The following LRP8 variants were observed in gnomAD, a reference collection of about 807,000 sequenced individuals.
LRP8 encodes low-density lipoprotein receptor-related protein 8.
Under a neutral mutation model 111.6 loss-of-function variants are expected in LRP8, and 46 were observed. The observed-to-expected ratio is 0.41, with a 90% CI of 0.33 to 0.53. The LOEUF (loss-of-function observed/expected upper bound fraction) is 0.53. LRP8 is among the 20% of genes least tolerant of loss of function. The pLI is 0.20. For synonymous variants in LRP8, 464 were observed against 511.2 expected (o/e 0.91, Z 1.24); for missense variants, 959 against 1,297.4 (o/e 0.74, Z 4.01).
chr1:53,269,595 G>A (rs11206130), intron 8 of LRP8, among the ~76,000 whole-genome samples: 267 of 152,112 alleles, frequency 1.8e-3, no homozygotes, highest in African/African-American at 6.2e-3. Flanking sequence ...GATTACAAGC[G>A]TGAGCCACCA....
chr1:53,307,138 A>G (rs1482619647), intron 2 of LRP8, among the ~76,000 whole-genome samples: 1 of 152,214 alleles, frequency 6.6e-6, no homozygotes, highest in Admixed American at 6.5e-5. Flanking sequence ...AAAATCTAAC[A>G]GCATAAAGAT....
chr1:53,310,579 G>A (rs75898102), intron 2 of LRP8, among the ~76,000 whole-genome samples: 132 of 152,294 alleles, frequency 8.7e-4, no homozygotes, highest in African/African-American at 3.1e-3. Flanking sequence ...GAGCCTGTGA[G>A]GAGCTGGGCT....
intron 3 of LRP8, among the ~76,000 whole-genome samples, chr1:53,288,725 C>T (rs1193563649): frequency 6.6e-6 from 1 of 152,168 alleles, no homozygotes; most frequent in Non-Finnish European, 1.5e-5. Context: ...CCACTATCCT[C>T]CACATGCTTT....
chr1:53,250,610 G>T lies in LRP8; in HGVS notation c.2676+80C>A. On this transcript the variant is annotated intron_variant, in intron 17 of 18. Coordinates refer to ENST00000306052, the MANE Select transcript of LRP8 (RefSeq NM_004631.5). The surrounding 1 kb of genome is among the most constrained non-coding windows in gnomAD (Gnocchi z 4.6). The stretch of plus-strand genomic sequence containing the variant: ...AAGGGAGGGAAGAAAGGATGGGAAG[G>T]AAGAAAGGATGGGAGGGGAAGAAAG... 7.8e-7 allele frequency: 1 copy of T among 1,279,866 alleles called. No homozygotes were observed. The highest frequency in any genetic ancestry group is 1.1e-6 in the Non-Finnish European group (1 of 900,534). The allele number at this position is 1,279,866 out of a possible 1,614,324, so 79.3% of individuals were successfully genotyped here.
At chr1:53,324,713 A>G (rs1187151940) in intron 2 of LRP8, among the ~76,000 whole-genome samples, 1 of 152,162 alleles carries the variant, frequency 6.6e-6, no homozygotes, top group Non-Finnish European at 1.5e-5. Context: ...AGCGTCACTC[A>G]GCACCCAGCT....
chr1:53,270,665 C>T (rs1337976263), intron 8 of LRP8, among the ~76,000 whole-genome samples: 1 of 152,214 alleles, frequency 6.6e-6, no homozygotes, highest in Non-Finnish European at 1.5e-5. Flanking sequence ...ATGCAGAACT[C>T]TTAGGGCTGC....
intron 1 of LRP8, 49 bp from the exon 2 acceptor site, chr1:53,327,041 C>T (rs765550702): frequency 1.9e-6 from 3 of 1,600,516 alleles, no homozygotes; most frequent in South Asian, 1.1e-5. Context: ...CGGCCCCACT[C>T]CCCACCATGC....
At chr1:53,309,753 C>T (rs1652654731) in intron 2 of LRP8, among the ~76,000 whole-genome samples, 1 of 152,178 alleles carries the variant, frequency 6.6e-6, no homozygotes, top group Non-Finnish European at 1.5e-5. Flanking sequence ...GAAAGCTGTG[C>T]CCCTGCTCTC....
intron 8 of LRP8, among the ~76,000 whole-genome samples, chr1:53,269,322 TA>T (rs1646684895): frequency 6.6e-6 from 1 of 151,602 alleles, no homozygotes; most frequent in Non-Finnish European, 1.5e-5. Context: ...TTATTATTAT[TA>T]TTTTTTTTTT....
In LRP8 at chr1:53,327,820, C is replaced by A; in HGVS notation, c.93G>T (p.Ala31=). The change falls in exon 1 of 19, where the codon GCG becomes GCT. Residue 31 remains alanine (A), a synonymous_variant. Coordinates refer to ENST00000306052, the MANE Select transcript of LRP8 (RefSeq NM_004631.5). ...LLLLQLQHLA[A]AAADPLLGGQ... ...CGCCGAGCAGCGGATCAGCCGCTGC[C>A]GCCGCAAGATGCTGGAGCTGCAGCA... is the stretch of plus-strand genomic sequence containing the variant. 1 of 1,511,302 alleles carries A rather than the reference C, an allele frequency of 6.6e-7. No individual in the cohort carries two copies. The highest frequency in any genetic ancestry group is 8.8e-7 in the Non-Finnish European group (1 of 1,135,906). The allele number at this position is 1,511,302 out of a possible 1,614,324, so 93.6% of individuals were successfully genotyped here.
chr1:53,260,190 C>T (rs1321278913), intron 13 of LRP8, among the ~76,000 whole-genome samples: 2 of 152,204 alleles, frequency 1.3e-5, no homozygotes, highest in African/African-American at 4.8e-5. Context: ...TCCGTTTCCT[C>T]AACTGTTAGA....
intron 14 of LRP8, 48 bp downstream of exon 14, chr1:53,258,271 T>C: frequency 6.3e-7 from 1 of 1,576,828 alleles, no homozygotes; most frequent in Non-Finnish European, 8.6e-7. Context: ...TTCAGCAGGG[T>C]AGGGTCTGAC....
In LRP8 at chr1:53,317,755, T is replaced by C. The variant is rs1047497279; in HGVS notation, c.244+9118A>G. Among the ~76,000 whole-genome samples, 8 of 152,180 alleles carry C rather than the reference T, an allele frequency of 5.3e-5. No homozygotes were observed. The highest frequency in any genetic ancestry group is 1.7e-4 in the African/African-American group (7 of 41,444). On this transcript the variant is annotated intron_variant, in intron 2 of 18. Coordinates refer to ENST00000306052, the MANE Select transcript of LRP8 (RefSeq NM_004631.5). This position sits in a 1 kb window ranked among gnomAD's most constrained non-coding sequence, Gnocchi z 4.9. ...ATTTTCCCGCTTTCGGAAAGTCTCATGAAGCTGGTGGGCCTCACTCCATTT... is the reference window on the plus strand; with the variant it reads ...ATTTTCCCGCTTTCGGAAAGTCTCACGAAGCTGGTGGGCCTCACTCCATTT...
At chr1:53,318,262 G>A (rs1192858785) in intron 2 of LRP8, among the ~76,000 whole-genome samples, 1 of 151,706 alleles carries the variant, frequency 6.6e-6, no homozygotes, top group Admixed American at 6.6e-5. Context: ...TTTGGTGGGG[G>A]TGAAAGCCCT....
intron 4 of LRP8, among the ~76,000 whole-genome samples, chr1:53,277,306 T>C (rs1003192136): frequency 6.6e-6 from 1 of 152,124 alleles, no homozygotes; most frequent in African/African-American, 2.4e-5. Flanking sequence ...CAGGCCTCAC[T>C]GGGTAAATGA....
intron 1 of LRP8, 38 bp downstream of exon 1, chr1:53,327,751 G>A (rs1459610875): frequency 8.9e-6 from 13 of 1,462,272 alleles, no homozygotes; most frequent in Admixed American, 2.2e-5. Flanking sequence ...TGGTGGCTAG[G>A]GCGGAGCAGA....
Position 53,250,878 on chromosome 1 carries a change from A to G in LRP8, c.2504-16T>C. 6.2e-7 allele frequency: 1 copy of G among 1,613,404 alleles called. No homozygotes were observed. Reference sequence around the variant, plus strand: ...GCTATCACCACTGGAGGAAGGACACAGGACACTGGACCTCCAGCAGGCTCC... The same window carrying G: ...GCTATCACCACTGGAGGAAGGACACGGGACACTGGACCTCCAGCAGGCTCC... On this transcript the variant is annotated splice_polypyrimidine_tract_variant and intron_variant, in intron 16 of 18. Coordinates refer to ENST00000306052, the MANE Select transcript of LRP8 (RefSeq NM_004631.5). This position sits in a 1 kb window ranked among gnomAD's most constrained non-coding sequence, Gnocchi z 4.6.
intron 9 of LRP8, among the ~76,000 whole-genome samples, chr1:53,265,535 A>T (rs1204013679): frequency 6.6e-6 from 1 of 152,148 alleles, no homozygotes; most frequent in Non-Finnish European, 1.5e-5. Flanking sequence ...GAAGGAGTAA[A>T]TTTCTTCCAT....
In LRP8 at chr1:53,289,775, A is replaced by C. The variant is rs963709989; in HGVS notation, c.245-86T>G. 6 of 1,562,828 alleles carry C rather than the reference A, an allele frequency of 3.8e-6. No individual in the cohort carries two copies. The Admixed American group carries it at 8.7e-5, about 23-fold the overall frequency. On this transcript the variant is annotated intron_variant, in intron 2 of 18. Transcript: ENST00000306052. ...CCAGGATGTGCTTGGTCTGCAAACC[A>C]GGCCATGGACTGCCTTGCTGACCAA...
Sources: allele counts gnomAD v4.1 joint callset (sites outside exome capture counted in the v4.1 genomes callset), GRCh38; gene constraint gnomAD v4.1.1; non-coding constraint Gnocchi (gnomAD v3.1); transcripts MANE v1.5; gene names NCBI Gene and HGNC (gene_info 2026-07-23, HGNC 2026-07-21).